The following LINGO2 variants were observed in gnomAD, a reference collection of about 807,000 sequenced individuals.
LINGO2 encodes leucine rich repeat and Ig domain containing 2.
In LINGO2, 14 loss-of-function variants were observed where a neutral mutation model predicts 30.6. That is an observed-to-expected ratio of 0.46 (90% CI 0.30 to 0.72). The LOEUF (loss-of-function observed/expected upper bound fraction) is 0.72. Among genes scored for constraint, LINGO2 ranks in the 30% least tolerant of loss-of-function variants. The pLI is 0.07. For missense variants in LINGO2, 729 were observed against 751.7 expected, an observed-to-expected ratio of 0.97 and a Z score of 0.35; for synonymous variants, 317 against 288.5, an observed-to-expected ratio of 1.10 and a Z score of -1.00.
chr9:28,567,830 T>A (rs1052997466), intron 1 of LINGO2, among the ~76,000 whole-genome samples: 1 of 151,950 alleles, frequency 6.6e-6, no homozygotes, highest in African/African-American at 2.4e-5. Flanking sequence ...AATAAATTTA[T>A]AAGGAGCTGT....
chr9:28,604,392 T>G (rs1825617652), intron 1 of LINGO2, among the ~76,000 whole-genome samples: 2 of 152,094 alleles, frequency 1.3e-5, no homozygotes, highest in African/African-American at 4.8e-5. Context: ...GAGCCCTTGT[T>G]CAATTTGGAT....
At chr9:28,386,411 T>A (rs1390982416) in intron 2 of LINGO2, among the ~76,000 whole-genome samples, 1 of 152,138 alleles carries the variant, frequency 6.6e-6, no homozygotes, top group African/African-American at 2.4e-5. Context: ...ACTGTACATA[T>A]CCTGTTCCTA....
At chr9:28,808,579 A>T in the LINGO2 span, among the ~76,000 whole-genome samples, 1 of 152,192 alleles carries the variant, frequency 6.6e-6, no homozygotes, top group Non-Finnish European at 1.5e-5. Flanking sequence ...ATAGAATCCC[A>T]GTTTTGTAAG....
chr9:28,373,726 C>A (rs1482264500), intron 2 of LINGO2, among the ~76,000 whole-genome samples: 1 of 151,926 alleles, frequency 6.6e-6, no homozygotes, highest in East Asian at 1.9e-4. Context: ...ATGGCGAAAC[C>A]CCATCTTTAC....
chr9:28,844,090 A>G, the LINGO2 span, among the ~76,000 whole-genome samples: 1 of 151,864 alleles, frequency 6.6e-6, no homozygotes, highest in Non-Finnish European at 1.5e-5. Flanking sequence ...CGTCGGGCAC[A>G]GTGGCTCATG....
intron 3 of LINGO2, among the ~76,000 whole-genome samples, chr9:28,371,961 C>A (rs7855297): frequency 0.78 from 119,221 of 152,004 alleles, 47,974 homozygotes; most frequent in Middle Eastern, 0.9. Context: ...GGTAGGGTTG[C>A]GAATCTGTTG....
At chr9:28,845,399 T>G in the LINGO2 span, among the ~76,000 whole-genome samples, 1 of 151,914 alleles carries the variant, frequency 6.6e-6, no homozygotes, top group Non-Finnish European at 1.5e-5. Flanking sequence ...AAATAAGAAT[T>G]GCCTTTCATT....
rs143750653 is a variant in LINGO2 at position 28,078,875 on chromosome 9, T to G, written c.-86-66470A>C. Among the ~76,000 whole-genome samples the G allele has an allele frequency of 6.7e-4, 99 of 148,350 alleles. 14 individuals are homozygous for G. The highest frequency in any genetic ancestry group is 1.9e-3 in the African/African-American group (74 of 37,956). On this transcript the variant is annotated intron_variant, in intron 4 of 5. Coordinates refer to ENST00000379992, the Ensembl canonical transcript of LINGO2. ...AAAAAAAAAAATCTATAGACTCTTC[T>G]ACTGAAATCTTATAGGCCAAGTGGG... is the stretch of plus-strand genomic sequence containing the variant.
chr9:28,856,603 G>C, the LINGO2 span, among the ~76,000 whole-genome samples: 1 of 152,024 alleles, frequency 6.6e-6, no homozygotes, highest in Non-Finnish European at 1.5e-5. Flanking sequence ...CCTGAGACTA[G>C]AGGAAGGATA....
chr9:28,190,426 C>T (rs997390556), intron 4 of LINGO2, among the ~76,000 whole-genome samples: 2 of 152,190 alleles, frequency 1.3e-5, no homozygotes, highest in Middle Eastern at 3.4e-3. Context: ...GAAATCCTAA[C>T]CCCTAGTGTA....
the LINGO2 span, among the ~76,000 whole-genome samples, chr9:28,985,368 T>C: frequency 6.6e-6 from 1 of 152,128 alleles, no homozygotes; most frequent in Admixed American, 6.6e-5. Flanking sequence ...TCAAATCTTT[T>C]GGGCAAACAT....
chr9:28,948,777 G>C, the LINGO2 span, among the ~76,000 whole-genome samples: 1 of 152,066 alleles, frequency 6.6e-6, no homozygotes, highest in Admixed American at 6.6e-5. Flanking sequence ...CAAGCTCAAG[G>C]AGATATGTCA....
chr9:29,105,412 C>T, the LINGO2 span, among the ~76,000 whole-genome samples: 1 of 152,132 alleles, frequency 6.6e-6, no homozygotes. Flanking sequence ...TCTACGTAAC[C>T]TCAACTTTAT....
At chr9:28,442,575 T>G (rs917930561) in intron 2 of LINGO2, among the ~76,000 whole-genome samples, 2 of 152,094 alleles carry the variant, frequency 1.3e-5, no homozygotes, top group Non-Finnish European at 2.9e-5. Flanking sequence ...TTTTTTATTC[T>G]CTCTATTATT....
At chr9:28,222,470 A>G (rs4317669) in intron 4 of LINGO2, among the ~76,000 whole-genome samples, 1,962 of 152,212 alleles carry the variant, frequency 0.013, 33 homozygotes, top group African/African-American at 0.045. Flanking sequence ...GAATTTTATA[A>G]TCAGAGGTTC....
intron 5 of LINGO2, among the ~76,000 whole-genome samples, chr9:27,983,137 G>T (rs1376113955): frequency 1.3e-5 from 2 of 151,772 alleles, no homozygotes; most frequent in African/African-American, 4.8e-5. Context: ...ATGTCTCAGA[G>T]AAAATGAAAT....
the LINGO2 span, among the ~76,000 whole-genome samples, chr9:29,102,134 A>T: frequency 6.7e-6 from 1 of 149,304 alleles, no homozygotes. Context: ...CAGGTTGGAG[A>T]GCAGTGGCGC....
the LINGO2 span, among the ~76,000 whole-genome samples, chr9:29,122,973 G>A: frequency 6.6e-6 from 1 of 152,042 alleles, no homozygotes; most frequent in African/African-American, 2.4e-5. Flanking sequence ...ATGTACATTT[G>A]CATTCAGCAG....
chr9:28,051,644 C>T (rs1201491063), intron 4 of LINGO2, among the ~76,000 whole-genome samples: 2 of 152,032 alleles, frequency 1.3e-5, no homozygotes, highest in East Asian at 3.9e-4. Context: ...AGGGAGATTT[C>T]ATGAGATTTC....
Sources: allele counts gnomAD v4.1 joint callset (sites outside exome capture counted in the v4.1 genomes callset), GRCh38; gene constraint gnomAD v4.1.1; transcripts MANE v1.5; gene names NCBI Gene and HGNC (gene_info 2026-07-23, HGNC 2026-07-21).